Variants in C12orf42 observed in about 807,000 individuals in gnomAD.
C12orf42 encodes the protein chromosome 12 open reading frame 42.
A neutral mutation model predicts 21.6 loss-of-function variants in C12orf42; 25 were observed. The ratio of observed to expected loss-of-function variants is 1.16; its 90% CI spans 0.84 to 1.62. The LOEUF (loss-of-function observed/expected upper bound fraction) is 1.62, where lower values mean the gene tolerates loss of function less well. C12orf42 is among the 40% of genes most tolerant of loss of function. The probability of loss-of-function intolerance (pLI) is 0.00; values close to 1 mark genes in which losing one functional copy is unlikely to be tolerated. For missense variants in C12orf42, 483 were observed against 459.3 expected (o/e 1.05, Z -0.47); for synonymous variants, 174 against 175.0 (o/e 0.99, Z 0.05).
At chr12:103,560,476 A>G in the C12orf42 span, among the ~76,000 whole-genome samples, 19 of 25,244 alleles carry the variant, frequency 7.5e-4, no homozygotes, top group Non-Finnish European at 9.7e-4. Context: ...CTAGTTCTTA[A>G]TCTGGGGATA....
intron 4 of C12orf42, among the ~76,000 whole-genome samples, chr12:103,366,895 T>A (rs2044655654): frequency 6.6e-6 from 1 of 152,052 alleles, no homozygotes; most frequent in Non-Finnish European, 1.5e-5. Context: ...AGTGTGGAGA[T>A]TCTTTAAAGA....
the C12orf42 span, among the ~76,000 whole-genome samples, chr12:103,090,736 T>C: frequency 3.3e-5 from 5 of 152,184 alleles, no homozygotes; most frequent in South Asian, 1.0e-3. Flanking sequence ...CAACCGGGAG[T>C]TGTAGAATAT....
At chr12:103,136,136 A>G in the C12orf42 span, among the ~76,000 whole-genome samples, 6 of 152,184 alleles carry the variant, frequency 3.9e-5, no homozygotes, top group Non-Finnish European at 7.3e-5. Flanking sequence ...ATAATCTTCT[A>G]TCTAGAAAAA....
the C12orf42 span, among the ~76,000 whole-genome samples, chr12:103,052,166 T>C: frequency 6.6e-6 from 1 of 152,164 alleles, no homozygotes; most frequent in African/African-American, 2.4e-5. Flanking sequence ...TTTCTGTGTC[T>C]TTTTCTGTAT....
chr12:103,059,729 T>A, the C12orf42 span, among the ~76,000 whole-genome samples: 1 of 152,204 alleles, frequency 6.6e-6, no homozygotes, highest in South Asian at 2.1e-4. Context: ...CAAAAACCAA[T>A]GTCAAGGATT....
intron 4 of C12orf42, among the ~76,000 whole-genome samples, chr12:103,347,207 C>A (rs1181537632): frequency 6.6e-6 from 1 of 151,940 alleles, no homozygotes; most frequent in Non-Finnish European, 1.5e-5. Context: ...CTCCCCTAGC[C>A]CCCCACCCCC....
At chr12:103,194,983 T>G in the C12orf42 span, among the ~76,000 whole-genome samples, 7 of 152,158 alleles carry the variant, frequency 4.6e-5, no homozygotes, top group African/African-American at 1.7e-4. Flanking sequence ...TAGTGTCTAT[T>G]TTTCCTTCTT....
the C12orf42 span, among the ~76,000 whole-genome samples, chr12:103,101,188 G>C: frequency 6.6e-6 from 1 of 152,210 alleles, no homozygotes; most frequent in Non-Finnish European, 1.5e-5. Context: ...TCTCTCTTTT[G>C]AGTAGCATAC....
chr12:103,511,304 GAACA>G, the C12orf42 span, among the ~76,000 whole-genome samples: 8 of 151,228 alleles, frequency 5.3e-5, no homozygotes, highest in African/African-American at 1.5e-4. Context: ...AAATAAAAGA[GAACA>G]AAAACAAATC....
the C12orf42 span, among the ~76,000 whole-genome samples, chr12:103,562,916 C>T: frequency 0.012 from 1,876 of 152,296 alleles, 68 homozygotes; most frequent in African/African-American, 0.043. Context: ...TAACCGGACC[C>T]CTAAAACATT....
chr12:103,491,697 G>A (rs1955196738), intron 1 of C12orf42, among the ~76,000 whole-genome samples: 1 of 152,160 alleles, frequency 6.6e-6, no homozygotes, highest in Non-Finnish European at 1.5e-5. Context: ...AATGTAATTT[G>A]TGAGTTATCT....
At chr12:103,148,485 C>T in the C12orf42 span, among the ~76,000 whole-genome samples, 1 of 152,134 alleles carries the variant, frequency 6.6e-6, no homozygotes, top group Non-Finnish European at 1.5e-5. Context: ...AGACTTACAT[C>T]ATGATGGTCT....
chr12:103,140,544 T>C, the C12orf42 span, among the ~76,000 whole-genome samples: 2 of 152,178 alleles, frequency 1.3e-5, no homozygotes, highest in Admixed American at 6.5e-5. Context: ...CGGAGGTCTG[T>C]TGGGCCATCT....
chr12:103,254,191 A>G (rs1356105349), intron 10 of C12orf42, among the ~76,000 whole-genome samples: 1 of 152,202 alleles, frequency 6.6e-6, no homozygotes, highest in Non-Finnish European at 1.5e-5. Flanking sequence ...AATTTTCTGC[A>G]TATGGCTAGC....
At chr12:103,216,873 C>T in the C12orf42 span, among the ~76,000 whole-genome samples, 4 of 152,028 alleles carry the variant, frequency 2.6e-5, no homozygotes, top group East Asian at 5.9e-4. Flanking sequence ...GATGGAGTCC[C>T]GCTCTGTGGC....
chr12:103,302,169 C>G lies in C12orf42; in HGVS notation c.1022G>C (p.Arg341Pro). ...GGCCTGTGAACAAACCGTATGGAAA[C>G]GCCGGGTTGGGCGGGGGGGTGCTGA... ...CSSAPPRPTR[R>P]FHTVCSQALS... Residue 341 changes from arginine (R) to proline (P), a missense_variant, in exon 6 of 6, where the codon CGT (arginine) becomes CCT (proline). Arg to Pro is a moderately radical substitution (Grantham distance 103). Transcript: ENST00000548883. 1 of 1,612,880 alleles carries G rather than the reference C, an allele frequency of 6.2e-7. No homozygotes were observed. The highest frequency in any genetic ancestry group is 8.5e-7 in the Non-Finnish European group (1 of 1,179,482).
the C12orf42 span, among the ~76,000 whole-genome samples, chr12:103,193,133 A>G: frequency 6.6e-6 from 1 of 152,188 alleles, no homozygotes; most frequent in Non-Finnish European, 1.5e-5. Context: ...CAACACATTC[A>G]TCAATAACCA....
chr12:103,401,301 T>C (rs566866145), intron 3 of C12orf42, among the ~76,000 whole-genome samples: 4 of 152,318 alleles, frequency 2.6e-5, no homozygotes, highest in Admixed American at 2.0e-4. Context: ...GTTGGCCACA[T>C]ACAGGCACTG....
At chr12:103,492,304 C>T (rs1034804072) in intron 1 of C12orf42, among the ~76,000 whole-genome samples, 5 of 152,194 alleles carry the variant, frequency 3.3e-5, no homozygotes, top group Non-Finnish European at 5.9e-5. Flanking sequence ...TCCTTAAATA[C>T]ATTATCCAGC....
Sources: gnomAD v4.1 joint callset for allele counts (sites outside exome capture counted in the v4.1 genomes callset) on GRCh38, gnomAD v4.1.1 for gene constraint, MANE v1.5 for transcripts, NCBI Gene and HGNC (gene_info 2026-07-23, HGNC 2026-07-21) for gene names.